Variants in CNKSR2 observed in about 807,000 individuals in gnomAD.
CNKSR2 encodes connector enhancer of kinase suppressor of Ras 2.
CNKSR2 carries 14 observed loss-of-function variants against 84.4 expected under a neutral mutation model. That is an observed-to-expected ratio of 0.17 (90% CI 0.11 to 0.26). The LOEUF (loss-of-function observed/expected upper bound fraction) is 0.26. Among genes scored for constraint, CNKSR2 ranks in the 10% least tolerant of loss-of-function variants. The pLI, the probability that CNKSR2 is intolerant of heterozygous loss-of-function variation, is 1.00. For synonymous variants in CNKSR2, 275 were observed against 277.9 expected, an observed-to-expected ratio of 0.99 and a Z score of 0.10; for missense variants, 485 against 771.2, an observed-to-expected ratio of 0.63 and a Z score of 4.40.
rs1172286438 is a variant in CNKSR2, at chrX:21,590,629, A to C, written c.1657+9A>C. 2 of 1,200,666 alleles carry C rather than the reference A, an allele frequency of 1.7e-6. No individual in the cohort carries two copies. The highest frequency in any genetic ancestry group is 2.3e-6 in the Non-Finnish European group (2 of 887,858). On this transcript the variant is annotated intron_variant, in intron 14 of 21. Coordinates refer to ENST00000379510, the MANE Select transcript of CNKSR2 (RefSeq NM_014927.5). ...AAAGAAGAAAAACAAAGGTAAGAAA[A>C]GGAAATGAAACCTTTACCTGCTTAT... is the stretch of plus-strand genomic sequence containing the variant.
At position 21,387,438 on chromosome X, in the gene CNKSR2, C is replaced by T. The variant is rs766708921; in HGVS notation, c.64+12477C>T. Among the ~76,000 whole-genome samples the T allele has an allele frequency of 3.3e-3, 369 of 111,323 alleles. 2 individuals are homozygous for T. Among genetic ancestry groups the T allele is most frequent in the African/African-American group, 0.011 (342 of 30,604 alleles). ...TCGAGGCTGCAGTGGGCTGTGGTCG[C>T]GCCACTGTACTCCAGCCTGGGTGAT... On this transcript the variant is annotated intron_variant, in intron 1 of 21. Coordinates refer to ENST00000379510, the MANE Select transcript of CNKSR2 (RefSeq NM_014927.5).
chrX:21,524,587 T>A (rs1473148721), intron 9 of CNKSR2, among the ~76,000 whole-genome samples: 2 of 110,811 alleles, frequency 1.8e-5, no homozygotes, highest in Non-Finnish European at 3.8e-5. Context: ...AATAAAATAT[T>A]CCCTTGGTCA....
intron 11 of CNKSR2, chrX:21,538,368 C>G (rs1245705364): frequency 3.6e-5 from 4 of 111,274 alleles, no homozygotes; most frequent in Admixed American, 2.9e-4. Context: ...AAATTTTTTT[C>G]TGTGTCTTTG....
chrX:21,399,514 G>A (rs772865635), intron 1 of CNKSR2, among the ~76,000 whole-genome samples: 1 of 111,671 alleles, frequency 9.0e-6, no homozygotes, highest in African/African-American at 3.3e-5. Flanking sequence ...TTGTATGTGA[G>A]TTAGTTTTTT....
intron 5 of CNKSR2, among the ~76,000 whole-genome samples, chrX:21,483,797 C>A (rs190276618): frequency 9.1e-6 from 1 of 109,524 alleles, no homozygotes; most frequent in Admixed American, 9.8e-5. Context: ...CTGTCAAGTA[C>A]TAAGATACTA....
chrX:21,521,856 G>C (rs1382162607), intron 9 of CNKSR2, among the ~76,000 whole-genome samples: 4 of 110,680 alleles, frequency 3.6e-5, no homozygotes, highest in African/African-American at 1.3e-4. Flanking sequence ...CAAACCTTTT[G>C]TATTTATAAA....
chrX:21,624,030 C>G (rs1304798526), intron 20 of CNKSR2, among the ~76,000 whole-genome samples: 1 of 111,341 alleles, frequency 9.0e-6, no homozygotes, highest in East Asian at 2.8e-4. Context: ...TAAAATCAAG[C>G]TTCAATTTCT....
intron 20 of CNKSR2, among the ~76,000 whole-genome samples, chrX:21,613,632 T>C (rs771853751): frequency 8.9e-6 from 1 of 112,570 alleles, no homozygotes; most frequent in Non-Finnish European, 1.9e-5. Context: ...CTGAGAAATA[T>C]ATTTTAAGGT....
chrX:21,493,862 A>ATT (rs1244095084), intron 6 of CNKSR2: 1 of 112,031 alleles, frequency 8.9e-6, no homozygotes, highest in Non-Finnish European at 1.9e-5. Context: ...TATTAAAAGC[A>ATT]GTTACAACAT....
chrX:21,455,737 A>G (rs1360065622), intron 4 of CNKSR2, among the ~76,000 whole-genome samples: 1 of 112,345 alleles, frequency 8.9e-6, no homozygotes, highest in Non-Finnish European at 1.9e-5. Context: ...AAGTTCTTTC[A>G]AAATGGTCAA....
At chrX:21,597,479 T>C (rs1469954797) in intron 17 of CNKSR2, among the ~76,000 whole-genome samples, 1 of 112,091 alleles carries the variant, frequency 8.9e-6, no homozygotes, top group African/African-American at 3.2e-5. Flanking sequence ...AATTTAATTG[T>C]CCCAAAATAC....
intron 13 of CNKSR2, among the ~76,000 whole-genome samples, chrX:21,571,987 T>C (rs2092286947): frequency 1.8e-5 from 2 of 112,266 alleles, no homozygotes; most frequent in Non-Finnish European, 3.8e-5. Flanking sequence ...TATTACAGAA[T>C]GACATGATGT....
intron 1 of CNKSR2, among the ~76,000 whole-genome samples, chrX:21,398,416 TTTAC>T (rs1438050111): frequency 8.9e-6 from 1 of 112,398 alleles, no homozygotes; most frequent in Non-Finnish European, 1.9e-5. Flanking sequence ...CTTGCTATCT[TTTAC>T]AAACTACTTC....
At chrX:21,440,857 C>A in intron 4 of CNKSR2, 76 bp downstream of exon 4, 1 of 589,166 alleles carries the variant, frequency 1.7e-6, no homozygotes, top group East Asian at 3.6e-5. Context: ...ATCCTATGTA[C>A]CAAGAGTTTT....
At chrX:21,416,289 A>G (rs181039508) in intron 1 of CNKSR2, among the ~76,000 whole-genome samples, 21 of 112,075 alleles carry the variant, frequency 1.9e-4, no homozygotes, top group African/African-American at 6.1e-4. Context: ...CCAGGGATAA[A>G]TACTTGGTCA....
chrX:21,563,528 A>G (rs1357575028), intron 13 of CNKSR2, 76 bp downstream of exon 13: 1 of 775,540 alleles, frequency 1.3e-6, no homozygotes, highest in Non-Finnish European at 1.8e-6. Flanking sequence ...GGTAAAGTCT[A>G]GGTTATTTTT....
intron 5 of CNKSR2, among the ~76,000 whole-genome samples, chrX:21,475,700 T>C (rs1489152421): frequency 2.7e-5 from 3 of 111,149 alleles, no homozygotes; most frequent in Non-Finnish European, 5.7e-5. Flanking sequence ...GTCCAGAGGA[T>C]AGGGAAGGCA....
intron 20 of CNKSR2, among the ~76,000 whole-genome samples, chrX:21,621,357 T>C (rs1334305919): frequency 3.6e-5 from 4 of 111,753 alleles, no homozygotes. Context: ...TGCAGCTATT[T>C]ATATTTATTT....
intron 1 of CNKSR2, among the ~76,000 whole-genome samples, chrX:21,385,275 G>GA (rs771957320): frequency 1.8e-5 from 2 of 111,446 alleles, no homozygotes; most frequent in Non-Finnish European, 3.8e-5. Context: ...ATAAAATGGG[G>GA]ATGCTGGTAT....
Sources: allele counts gnomAD v4.1 joint callset (sites outside exome capture counted in the v4.1 genomes callset), GRCh38; gene constraint gnomAD v4.1.1; transcripts MANE v1.5; gene names NCBI Gene and HGNC (gene_info 2026-07-23, HGNC 2026-07-21).